The following IL9R variants were observed in gnomAD, a reference collection of about 807,000 sequenced individuals.
IL9R encodes the protein interleukin 9 receptor.
A neutral mutation model predicts 56.3 loss-of-function variants in IL9R; 54 were observed. That is an observed-to-expected ratio of 0.96 (90% CI 0.77 to 1.20). The LOEUF is 1.20. Ranked by LOEUF, IL9R falls within the 50% of genes most tolerant of loss-of-function variation. IL9R has a pLI of 0.00. For synonymous variants in IL9R, 212 were observed against 250.2 expected (o/e 0.85, Z 1.44); for missense variants, 545 against 629.8 (o/e 0.87, Z 1.44).
chrX:156,000,145 A>AAATATATATATATAT (rs780163667), intron 1 of IL9R, among the ~76,000 whole-genome samples: 9 of 144,278 alleles, frequency 6.2e-5, no homozygotes, highest in African/African-American at 2.4e-4. Context: ...AAAAAAAAAA[A>AAATATATATATATAT]ATATATATAT....
intron 8 of IL9R, among the ~76,000 whole-genome samples, chrX:156,009,353 G>A (rs757359877): frequency 2.9e-4 from 40 of 138,470 alleles, no homozygotes; most frequent in Admixed American, 9.9e-4. Flanking sequence ...TGTGTGTCTC[G>A]TGTGTGTGTG....
Position 156,003,678 on chromosome X carries a change from A to C in IL9R, c.256A>C (p.Asn86His). 1 of 1,612,958 alleles carries C rather than the reference A, an allele frequency of 6.2e-7. No homozygotes were observed. Among genetic ancestry groups the C allele is most frequent in the Admixed American group, 1.7e-5 (1 of 59,822 alleles). The change falls in exon 4 of 9, where the codon AAC becomes CAC. Residue 86 changes from asparagine to histidine, a missense_variant and splice_region_variant. Asn to His is a moderately conservative substitution (Grantham distance 68). Around this residue, in one of 2 missense-constraint regions of IL9R, gnomAD observed 431 missense variants for 360.0 expected, o/e 1.20. Coordinates refer to ENST00000244174, the MANE Select transcript of IL9R (RefSeq NM_002186.3). ...GSSPWLLFTS[N>H]QAPGGTHKCI... The stretch of plus-strand genomic sequence containing the variant: ...GGTGCTGACAAATGCCCTTTCCAGC[A>C]ACCAGGCTCCTGGCGGCACACATAA...
chrX:156,005,853 T>C (rs1324030651), intron 6 of IL9R, among the ~76,000 whole-genome samples: 3 of 151,980 alleles, frequency 2.0e-5, no homozygotes, highest in African/African-American at 2.4e-5. Flanking sequence ...TTGTGGCAGA[T>C]GGGAAGAGTG....
intron 1 of IL9R, among the ~76,000 whole-genome samples, chrX:155,999,819 G>A (rs1217910145): frequency 6.6e-6 from 1 of 151,930 alleles, no homozygotes; most frequent in African/African-American, 2.4e-5. Context: ...ACCCTTCCCC[G>A]CCCCCATTAA....
rs778922150 is a variant in IL9R at position 156,004,532 on chromosome X, G to T, written c.546G>T (p.Glu182Asp). The T allele has an allele frequency of 3.1e-6, 5 of 1,613,230 alleles. No homozygotes were observed. The South Asian group carries it at 3.3e-5, about 11-fold the overall frequency. ...CAATGACCACACTTCTCAGCTATGAGCTGGCCTTCAAGAAGCAGGAAGAGG... is the reference window on the plus strand; with the variant it reads ...CAATGACCACACTTCTCAGCTATGATCTGGCCTTCAAGAAGCAGGAAGAGG... The part of the protein sequence containing the change: ...LEPMTTLLSY[E>D]LAFKKQEEAW... Residue 182 changes from glutamate (E) to aspartate (D), a missense_variant, in exon 5 of 9, where the codon GAG becomes GAT. Coordinates refer to ENST00000244174, the MANE Select transcript of IL9R (RefSeq NM_002186.3).
intron 1 of IL9R, among the ~76,000 whole-genome samples, chrX:156,000,816 G>T (rs1254987795): frequency 6.6e-6 from 1 of 152,164 alleles, no homozygotes; most frequent in Non-Finnish European, 1.5e-5. Flanking sequence ...GTGCTGAGTG[G>T]TGCCTCGCAG....
At chrX:156,003,214 G>A (rs753746306) in intron 2 of IL9R, among the ~76,000 whole-genome samples, 195 bp downstream of exon 2, 3 of 152,086 alleles carry the variant, frequency 2.0e-5, no homozygotes, top group South Asian at 4.2e-4. Flanking sequence ...TCCCTGGACC[G>A]ACTGTAGTCT....
intron 1 of IL9R, chrX:156,001,265 G>A (rs2067501966): frequency 4.1e-6 from 3 of 732,194 alleles, no homozygotes; most frequent in Non-Finnish European, 7.6e-6. Context: ...TGCTGGGGCA[G>A]CAGTTGTCCA....
chrX:156,003,704 G>C lies in IL9R; in HGVS notation c.282G>C (p.Lys94Asn). The C allele has an allele frequency of 1.2e-6, 2 of 1,613,592 alleles. No homozygotes were observed. The highest frequency in any genetic ancestry group is 1.7e-6 in the Non-Finnish European group (2 of 1,179,678). The change falls in exon 4 of 9, where the codon AAG becomes AAC. Residue 94 changes from lysine (K) to asparagine (N), a missense_variant. Around this residue, in one of 2 missense-constraint regions of IL9R, gnomAD observed 431 missense variants for 360.0 expected, o/e 1.20. Coordinates refer to ENST00000244174, the MANE Select transcript of IL9R (RefSeq NM_002186.3). ...TSNQAPGGTH[K>N]CILRGSECTV... ...ACCAGGCTCCTGGCGGCACACATAA[G>C]TGCATCTTGCGGGGCAGTGAGTGCA...
chrX:156,001,470 G>C, intron 1 of IL9R: 5 of 1,609,804 alleles, frequency 3.1e-6, no homozygotes, highest in Non-Finnish European at 4.2e-6. Context: ...TCATGCTGTG[G>C]CTGGTGGTTC....
chrX:156,006,461 G>A (rs1259577985), intron 7 of IL9R, among the ~76,000 whole-genome samples: 4 of 150,064 alleles, frequency 2.7e-5, no homozygotes, highest in Non-Finnish European at 5.9e-5. Flanking sequence ...CTGAAGATAA[G>A]GGCAGCTTGG....
rs756247050 is a variant in IL9R at position 156,005,931 on chromosome X, G to T, written c.782-152G>T. On this transcript the variant is annotated intron_variant, in intron 6 of 8. Transcript: ENST00000244174. The stretch of plus-strand genomic sequence containing the variant: ...CACAAACCTCCAAGGCCCATCACAA[G>T]GTCCTTCAGCAGGTGACACAAACCT... The T allele has an allele frequency of 1.9e-3, 1,141 of 615,256 alleles. 8 individuals carry two copies. In the African/African-American group the frequency reaches 0.02, roughly 11 times the overall value. 38.1% of individuals were successfully genotyped at this position (615,256 alleles called of 1,614,324 possible).
intron 6 of IL9R, 125 bp from the exon 7 acceptor site, chrX:156,005,958 C>T (rs758385660): frequency 1.5e-6 from 1 of 684,642 alleles, no homozygotes; most frequent in South Asian, 1.8e-5. Context: ...CACAAACCTC[C>T]AAGGCCCATC....
In IL9R at chrX:156,003,764, A is replaced by G. The variant is rs368482231; in HGVS notation, c.342A>G (p.Pro114=). 47 of 1,613,880 alleles carry G rather than the reference A, an allele frequency of 2.9e-5. No homozygotes were observed. Among genetic ancestry groups the G allele is most frequent in the Non-Finnish European group, 3.8e-5 (45 of 1,179,880 alleles). Residue 114 remains proline, a synonymous_variant, in exon 4 of 9, where the codon CCA becomes CCG. Transcript: ENST00000244174. ...VVLPPEAVLV[P]SDNFTITFHH... is the part of the protein sequence containing the mutation. ...TGCCACCTGAGGCAGTGCTCGTGCCATCTGACAATTTCACCATCACTTTCC... is the reference window on the plus strand; with the variant it reads ...TGCCACCTGAGGCAGTGCTCGTGCCGTCTGACAATTTCACCATCACTTTCC...
intron 1 of IL9R, among the ~76,000 whole-genome samples, chrX:155,999,453 G>A (rs2067363511): frequency 6.6e-6 from 1 of 152,014 alleles, no homozygotes. Flanking sequence ...TCTCTATGAG[G>A]TGTCTGTTGT....
At chrX:156,005,204 G>A in intron 5 of IL9R, 74 bp from the exon 6 acceptor site, 3 of 1,129,718 alleles carry the variant, frequency 2.7e-6, no homozygotes, top group Non-Finnish European at 4.0e-6. Context: ...AGCATATAAT[G>A]CATGTGTGTA....
chrX:155,999,153 A>C (rs1455793846), intron 1 of IL9R, among the ~76,000 whole-genome samples: 1 of 151,822 alleles, frequency 6.6e-6, no homozygotes. Context: ...ATGGGGAGGG[A>C]AGATGGCAGA....
At chrX:156,001,483 G>T in intron 1 of IL9R, 2 of 1,610,200 alleles carry the variant, frequency 1.2e-6, no homozygotes, top group Non-Finnish European at 1.7e-6. Flanking sequence ...GGTGGTTCCA[G>T]GCTGCACGCT....
At position 156,000,092 on chromosome X, in the gene IL9R, C is replaced by T. The variant is rs376472136; in HGVS notation, c.28+2305C>T. Among the ~76,000 whole-genome samples the T allele has an allele frequency of 3.1e-3, 464 of 151,306 alleles. 1 individual carries two copies. Among genetic ancestry groups the T allele is most frequent in the African/African-American group, 0.011 (436 of 41,118 alleles). ...CAGAGGTTGCAGTGAGCCGAGATCA[C>T]GCCACTGTGTTCCAGCCTGAGCGAC... On this transcript the variant is annotated intron_variant, in intron 1 of 8. Transcript: ENST00000244174.
Sources: allele counts gnomAD v4.1 joint callset (sites outside exome capture counted in the v4.1 genomes callset), GRCh38; gene constraint gnomAD v4.1.1; regional missense constraint gnomAD v4.1.1; transcripts MANE v1.5; gene names NCBI Gene and HGNC (gene_info 2026-07-23, HGNC 2026-07-21).